Variants in TASP1 observed in about 807,000 individuals in gnomAD.
The protein encoded by TASP1 is taspase 1.
In TASP1, 16 loss-of-function variants were observed where a neutral mutation model predicts 56.6. The observed-to-expected ratio is 0.28, with a 90% CI of 0.19 to 0.43. The LOEUF is 0.43. Among genes scored for constraint, TASP1 ranks in the 20% least tolerant of loss-of-function variants. TASP1 has a pLI of 1.00. For missense variants in TASP1, 393 were observed against 511.6 expected, an observed-to-expected ratio of 0.77 and a Z score of 2.24; for synonymous variants, 179 against 184.2, an observed-to-expected ratio of 0.97 and a Z score of 0.23.
chr20:13,310,862 G>C, the TASP1 span, among the ~76,000 whole-genome samples: 3 of 152,140 alleles, frequency 2.0e-5, no homozygotes, highest in African/African-American at 7.2e-5. Context: ...AACTACAATA[G>C]GATATTACTT....
At chr20:13,453,795 C>A (rs1171076560) in intron 11 of TASP1, among the ~76,000 whole-genome samples, 1 of 151,972 alleles carries the variant, frequency 6.6e-6, no homozygotes, top group Non-Finnish European at 1.5e-5. Context: ...GCTAAGCAAG[C>A]AAATACACAC....
the TASP1 span, among the ~76,000 whole-genome samples, chr20:13,321,680 G>A: frequency 1.3e-5 from 2 of 152,218 alleles, no homozygotes; most frequent in Non-Finnish European, 2.9e-5. Flanking sequence ...TGCTTGTGAA[G>A]CTGATGAATG....
intron 13 of TASP1, among the ~76,000 whole-genome samples, chr20:13,403,628 TCTGA>T (rs1219524913): frequency 6.6e-6 from 1 of 152,216 alleles, no homozygotes; most frequent in East Asian, 1.9e-4. Flanking sequence ...GAAATCCAAG[TCTGA>T]CTAATTCTAA....
chr20:13,392,855 A>G (rs1247011240), intron 13 of TASP1: 3 of 668,984 alleles, frequency 4.5e-6, no homozygotes, highest in Non-Finnish European at 8.2e-6. Context: ...GGCACCATCA[A>G]GGCTGAGAAT....
the TASP1 span, among the ~76,000 whole-genome samples, chr20:13,370,948 T>A: frequency 6.6e-6 from 1 of 152,170 alleles, no homozygotes; most frequent in Admixed American, 6.6e-5. Context: ...GTCTGATTAG[T>A]TGGTATACAG....
chr20:13,395,833 CTGGGACTA>C (rs2041514356), intron 13 of TASP1, among the ~76,000 whole-genome samples: 1 of 152,008 alleles, frequency 6.6e-6, no homozygotes, highest in Non-Finnish European at 1.5e-5. Context: ...TCCTGGGTAG[CTGGGACTA>C]TAGGCGCGTG....
At chr20:13,166,412 C>T in the TASP1 span, 1 of 152,208 alleles carries the variant, frequency 6.6e-6, no homozygotes, top group East Asian at 1.9e-4. Context: ...AAAAATGGAT[C>T]ACAATGATAG....
the TASP1 span, chr20:13,238,007 C>A: frequency 6.6e-6 from 1 of 152,208 alleles, no homozygotes; most frequent in Non-Finnish European, 1.5e-5. Context: ...TGCTTGACTT[C>A]ATTCCCCTTA....
intron 10 of TASP1, among the ~76,000 whole-genome samples, chr20:13,521,562 C>T (rs1371987095): frequency 4.1e-4 from 59 of 145,108 alleles, no homozygotes; most frequent in Non-Finnish European, 5.6e-4. Flanking sequence ...TGTTCTCACT[C>T]ATAGGTGGGA....
chr20:13,570,743 T>G (rs942864213), intron 6 of TASP1, among the ~76,000 whole-genome samples: 1 of 152,098 alleles, frequency 6.6e-6, no homozygotes, highest in Non-Finnish European at 1.5e-5. Context: ...TAGAAAACAG[T>G]TTTTCCTATT....
At chr20:13,125,814 C>A in the TASP1 span, among the ~76,000 whole-genome samples, 1 of 152,192 alleles carries the variant, frequency 6.6e-6, no homozygotes, top group Non-Finnish European at 1.5e-5. Context: ...TCACCTCTGC[C>A]ATATATTACT....
At chr20:13,238,812 A>G in the TASP1 span, among the ~76,000 whole-genome samples, 38 of 152,330 alleles carry the variant, frequency 2.5e-4, no homozygotes, top group East Asian at 7.7e-4. Flanking sequence ...ATAGCAGTTG[A>G]TCAGCCCATA....
intron 11 of TASP1, among the ~76,000 whole-genome samples, chr20:13,482,499 A>G (rs1053392073): frequency 6.6e-6 from 1 of 152,202 alleles, no homozygotes; most frequent in Non-Finnish European, 1.5e-5. Context: ...TTTGGGTACT[A>G]TGGACATTTT....
At chr20:13,115,487 T>G in the TASP1 span, among the ~76,000 whole-genome samples, 4,932 of 152,262 alleles carry the variant, frequency 0.032, 220 homozygotes, top group African/African-American at 0.1. Context: ...CTTTGGCTTC[T>G]GTCAAATTCA....
At chr20:13,374,654 G>A in the TASP1 span, among the ~76,000 whole-genome samples, 24 of 152,142 alleles carry the variant, frequency 1.6e-4, no homozygotes, top group Admixed American at 7.2e-4. Flanking sequence ...GGCCTCTTTC[G>A]TAATTTTTTT....
intron 8 of TASP1, among the ~76,000 whole-genome samples, chr20:13,535,828 G>A (rs1395930677): frequency 1.3e-5 from 2 of 152,108 alleles, no homozygotes; most frequent in Non-Finnish European, 2.9e-5. Flanking sequence ...TTGACTTCAC[G>A]CAAATCCAGA....
the TASP1 span, among the ~76,000 whole-genome samples, chr20:13,332,289 G>A: frequency 6.6e-6 from 1 of 152,114 alleles, no homozygotes; most frequent in East Asian, 1.9e-4. Flanking sequence ...AAAAAGCAGG[G>A]GGTAAATGCC....
At chr20:13,159,786 C>T in the TASP1 span, among the ~76,000 whole-genome samples, 3 of 152,112 alleles carry the variant, frequency 2.0e-5, no homozygotes, top group African/African-American at 7.2e-5. Flanking sequence ...ATACCACACA[C>T]ACACCATCAT....
At chr20:13,115,785 T>C in the TASP1 span, among the ~76,000 whole-genome samples, 4 of 152,106 alleles carry the variant, frequency 2.6e-5, no homozygotes, top group Non-Finnish European at 2.9e-5. Flanking sequence ...CCATCATGGA[T>C]CAGGTAGTTT....
Sources: allele counts gnomAD v4.1 joint callset (sites outside exome capture counted in the v4.1 genomes callset), GRCh38; gene constraint gnomAD v4.1.1; transcripts MANE v1.5; gene names NCBI Gene and HGNC (gene_info 2026-07-23, HGNC 2026-07-21).